Variants in SPTBN1 observed in about 807,000 individuals in gnomAD.
SPTBN1 encodes spectrin beta, non-erythrocytic 1, also known as spectrin beta chain, non-erythrocytic 1.
In SPTBN1, 32 loss-of-function variants were observed where a neutral mutation model predicts 266.4. That is an observed-to-expected ratio of 0.12 (90% CI 0.09 to 0.16). The LOEUF (loss-of-function observed/expected upper bound fraction) is 0.16, where lower values mean the gene tolerates loss of function less well. SPTBN1 is among the 10% of genes least tolerant of loss of function. The pLI, the probability that SPTBN1 is intolerant of heterozygous loss-of-function variation, is 1.00. For synonymous variants in SPTBN1, 1,336 were observed against 1,162.2 expected (o/e 1.15, Z -3.04); for missense variants, 2,296 against 3,067.1 (o/e 0.75, Z 5.94).
At chr2:54,623,408 T>C in intron 9 of SPTBN1, 71 bp from the exon 10 acceptor site, 1 of 1,366,962 alleles carries the variant, frequency 7.3e-7, no homozygotes. Context: ...AGTTAAATGG[T>C]TTTTAAAATG....
chr2:54,664,776 G>C lies in SPTBN1; in HGVS notation c.6659+85G>C, dbSNP rs900599107. 7.4e-7 allele frequency: 1 copy of C among 1,353,584 alleles called. No individual in the cohort carries two copies. 83.8% of individuals were successfully genotyped at this position (1,353,584 alleles called of 1,614,324 possible). A position where few individuals can be genotyped will look rare whatever the true frequency, so the allele number is the denominator to read the frequency against. On this transcript the variant is annotated intron_variant, in intron 33 of 35. Transcript: ENST00000356805. The surrounding 1 kb of genome is among the most constrained non-coding windows in gnomAD (Gnocchi z 5.6). ...GGGCCACTCTTGAATTGGAAGAGAA[G>C]TATGTGCTCATGTAGTTTTATTCCT... is the stretch of plus-strand genomic sequence containing the variant.
intron 10 of SPTBN1, 120 bp from the exon 11 acceptor site, chr2:54,624,684 T>G (rs908660576): frequency 1.7e-5 from 24 of 1,405,878 alleles, no homozygotes; most frequent in Non-Finnish European, 2.0e-5. Flanking sequence ...GGGAATGGGA[T>G]TTCCCATTCA....
At chr2:54,560,325 C>T (rs949382106) in intron 2 of SPTBN1, among the ~76,000 whole-genome samples, 11 of 152,066 alleles carry the variant, frequency 7.2e-5, no homozygotes, top group Non-Finnish European at 1.6e-4. Flanking sequence ...AAAGCACCCA[C>T]CGGGATCGTC....
chr2:54,603,481 G>C (rs1197884804), intron 3 of SPTBN1, among the ~76,000 whole-genome samples: 1 of 152,172 alleles, frequency 6.6e-6, no homozygotes, highest in Non-Finnish European at 1.5e-5. Flanking sequence ...CAAGGCCAGT[G>C]CTGCTAGTAG....
At chr2:54,622,580 C>G in intron 9 of SPTBN1, 93 bp downstream of exon 9, 2 of 1,436,450 alleles carry the variant, frequency 1.4e-6, no homozygotes, top group African/African-American at 1.4e-5. Context: ...AATCTCATCT[C>G]TTAACTGAAT....
chr2:54,587,656 G>A (rs1675380815), intron 2 of SPTBN1, among the ~76,000 whole-genome samples: 2 of 152,186 alleles, frequency 1.3e-5, no homozygotes, highest in Non-Finnish European at 2.9e-5. Context: ...CCTTCAGCTT[G>A]TGGGGAGGGC....
intron 2 of SPTBN1, among the ~76,000 whole-genome samples, chr2:54,538,509 T>C (rs1297141030): frequency 1.3e-5 from 2 of 152,260 alleles, no homozygotes; most frequent in African/African-American, 4.8e-5. Flanking sequence ...TATGAAAGTG[T>C]TGTGATACTT....
Position 54,624,806 on chromosome 2 carries a change from C to G in SPTBN1, c.1185C>G (p.Ala395=). Residue 395 remains alanine (A), a splice_region_variant and synonymous_variant, in exon 11 of 36, where the codon GCC becomes GCG. Coordinates refer to ENST00000356805, the MANE Select transcript of SPTBN1 (RefSeq NM_003128.3). The part of the protein sequence containing the change: ...EGKLISDINK[A]WERLEKAEHE... ...TGTGTGTATTTTCATTTTTGTAGGCCTGGGAAAGACTGGAAAAAGCGGAAC... is the reference window on the plus strand; with the variant it reads ...TGTGTGTATTTTCATTTTTGTAGGCGTGGGAAAGACTGGAAAAAGCGGAAC... 6 of 1,613,950 alleles carry G rather than the reference C, an allele frequency of 3.7e-6. No individual in the cohort carries two copies. Among genetic ancestry groups the G allele is most frequent in the Non-Finnish European group, 5.1e-6 (6 of 1,179,970 alleles).
intron 2 of SPTBN1, among the ~76,000 whole-genome samples, chr2:54,546,997 T>C (rs747017216): frequency 1.1e-4 from 17 of 151,870 alleles, no homozygotes; most frequent in Non-Finnish European, 1.6e-4. Flanking sequence ...AGGTTTACCA[T>C]GTTAACCATT....
At position 54,526,352 on chromosome 2, in the gene SPTBN1, T is replaced by C. The variant is rs1202078304; in HGVS notation, c.-47-20T>C. 6.3e-7 allele frequency: 1 copy of C among 1,587,476 alleles called. No homozygotes were observed. Among genetic ancestry groups the C allele is most frequent in the African/African-American group, 1.4e-5 (1 of 73,896 alleles). ...TATACACTTCAGACGTCTAAATGTT[T>C]TTCCTTTTCTTTCTCATAGAACTCT... On this transcript the variant is annotated intron_variant, in intron 1 of 35. Transcript: ENST00000356805.
chr2:54,595,167 C>A (rs546947120), intron 2 of SPTBN1, among the ~76,000 whole-genome samples: 1 of 152,210 alleles, frequency 6.6e-6, no homozygotes, highest in African/African-American at 2.4e-5. Flanking sequence ...GAGACTATTT[C>A]TTTGCTGGAG....
chr2:54,660,139 CTT>C (rs756103178), intron 32 of SPTBN1, 140 bp downstream of exon 32: 25 of 1,560,080 alleles, frequency 1.6e-5, no homozygotes, highest in Non-Finnish European at 2.1e-5. Flanking sequence ...TGGGTTTTGA[CTT>C]TTTGGCTTCC....
At chr2:54,536,242 A>G (rs1171397118) in intron 2 of SPTBN1, among the ~76,000 whole-genome samples, 2 of 152,370 alleles carry the variant, frequency 1.3e-5, no homozygotes, top group East Asian at 3.9e-4. Context: ...TTTAATTTAT[A>G]TATAAGGCAC....
At chr2:54,496,439 TAAAAAAA>T (rs10623542) in intron 1 of SPTBN1, among the ~76,000 whole-genome samples, 3 of 126,386 alleles carry the variant, frequency 2.4e-5, no homozygotes, top group Non-Finnish European at 3.2e-5. Context: ...CTCCGTGTCT[TAAAAAAA>T]AAAAAAAAAA....
At chr2:54,617,052 T>C (rs888695061) in intron 5 of SPTBN1, among the ~76,000 whole-genome samples, 7 of 152,232 alleles carry the variant, frequency 4.6e-5, no homozygotes, top group African/African-American at 1.2e-4. Flanking sequence ...GCTACTGATA[T>C]AAAGTTATTA....
intron 10 of SPTBN1, among the ~76,000 whole-genome samples, chr2:54,624,290 C>T (rs1038910117): frequency 1.3e-5 from 2 of 151,820 alleles, no homozygotes; most frequent in African/African-American, 4.8e-5. Flanking sequence ...TAGATTCCTT[C>T]GAGTGGAAGG....
intron 1 of SPTBN1, among the ~76,000 whole-genome samples, chr2:54,512,042 G>A (rs1188293352): frequency 6.6e-6 from 1 of 152,132 alleles, no homozygotes; most frequent in Non-Finnish European, 1.5e-5. Flanking sequence ...TCCCTGTCAT[G>A]TGCAGTTCAC....
chr2:54,603,518 C>T (rs1038068534), intron 3 of SPTBN1, among the ~76,000 whole-genome samples: 1 of 152,170 alleles, frequency 6.6e-6, no homozygotes, highest in African/African-American at 2.4e-5. Context: ...TGCAGCCCAC[C>T]CTGCTGACTC....
Position 54,631,590 on chromosome 2 carries a change from C to T in SPTBN1, c.3543C>T (p.Ala1181=), listed in dbSNP as rs61732871. ...AGTTCCTCAGAGACACGAAGCAAGC[C>T]GAAGCCTTTCTTAACAACCAGGTAA... ...YQQFLRDTKQ[A]EAFLNNQEYV... Residue 1181 remains alanine, a synonymous_variant, in exon 16 of 36, where the codon GCC becomes GCT. Transcript: ENST00000356805. 7.6e-5 allele frequency: 122 copies of T among 1,611,428 alleles called. No individual in the cohort carries two copies. The highest frequency in any genetic ancestry group is 1.1e-4 in the African/African-American group (8 of 74,904).
Sources: gnomAD v4.1 joint callset for allele counts (sites outside exome capture counted in the v4.1 genomes callset) on GRCh38, gnomAD v4.1.1 for gene constraint, Gnocchi (gnomAD v3.1) non-coding constraint, MANE v1.5 for transcripts, NCBI Gene and HGNC (gene_info 2026-07-23, HGNC 2026-07-21) for gene names.